Variants in SEPTIN9 observed in about 807,000 individuals in gnomAD.
SEPTIN9 encodes the protein septin 9, also known as septin-9.
SEPTIN9 carries 13 observed loss-of-function variants against 56.6 expected under a neutral mutation model. That is an observed-to-expected ratio of 0.23 (90% CI 0.15 to 0.37). SEPTIN9 has a LOEUF of 0.37. Among genes scored for constraint, SEPTIN9 ranks in the 10% least tolerant of loss-of-function variants. The probability of loss-of-function intolerance (pLI) is 1.00; values close to 1 mark genes in which losing one functional copy is unlikely to be tolerated. For missense variants in SEPTIN9, 650 were observed against 823.1 expected (o/e 0.79, Z 2.57); for synonymous variants, 332 against 334.1 (o/e 0.99, Z 0.07).
chr17:77,373,891 C>T lies in SEPTIN9; in HGVS notation c.77-28168C>T, dbSNP rs538717983. 2.4e-5 allele frequency: 7 copies of T among 288,406 alleles called. No individual in the cohort carries two copies. The South Asian group carries it at 3.1e-4, about 13-fold the overall frequency. The allele number at this position is 288,406 out of a possible 1,614,324, so 17.9% of individuals were successfully genotyped here. ...CCTCCTCGAGGGCTCGCGAGGCTGC[C>T]TCGGAACTCTCCAGGACGCACAGTT... On this transcript the variant is annotated intron_variant, in intron 2 of 11. Coordinates refer to ENST00000427177, the MANE Select transcript of SEPTIN9 (RefSeq NM_001113491.2).
chr17:77,490,839 AG>A lies in SEPTIN9; in HGVS notation c.1363del (p.Val455SerfsTer33). The A allele has an allele frequency of 6.3e-7, 1 of 1,586,918 alleles. No homozygotes were observed. Among genetic ancestry groups the A allele is most frequent in the Non-Finnish European group, 8.6e-7 (1 of 1,166,266 alleles). On this transcript the variant is annotated frameshift_variant, in exon 8 of 12. Coordinates refer to ENST00000427177, the MANE Select transcript of SEPTIN9 (RefSeq NM_001113491.2). LOFTEE classifies it high-confidence loss of function. ...AKADTLTLEE[R>X]VHFKQRITAD... ...GGCGGACACACTCACCCTGGAGGAG[AG>A]GGTCCACTTCAAACAGCGGGTAGGG...
chr17:77,486,494 G>GTA (rs2039787079), intron 4 of SEPTIN9, among the ~76,000 whole-genome samples: 1 of 94,810 alleles, frequency 1.1e-5, no homozygotes, highest in Admixed American at 9.2e-5. Flanking sequence ...AGGGGTGTGT[G>GTA]TGTGTGTGTG....
intron 3 of SEPTIN9, chr17:77,454,014 A>G: frequency 4.1e-6 from 4 of 974,430 alleles, no homozygotes; most frequent in Middle Eastern, 5.3e-4. Flanking sequence ...TTTCCCATAC[A>G]CCCCGGATGT....
intron 1 of SEPTIN9, among the ~76,000 whole-genome samples, chr17:77,293,352 A>G (rs2031659176): frequency 6.6e-6 from 1 of 152,006 alleles, no homozygotes; most frequent in Admixed American, 6.6e-5. Context: ...TGTAAAGACA[A>G]GGTCTTACTA....
intron 2 of SEPTIN9, chr17:77,320,439 C>A: frequency 8.9e-7 from 1 of 1,119,876 alleles, no homozygotes; most frequent in Non-Finnish European, 1.4e-6. Context: ...ATGCAAAGGG[C>A]GCTTTTGCTC....
At chr17:77,312,264 C>G (rs1377498514) in intron 2 of SEPTIN9, among the ~76,000 whole-genome samples, 2 of 152,192 alleles carry the variant, frequency 1.3e-5, no homozygotes, top group African/African-American at 4.8e-5. Context: ...ATCCCTCCAC[C>G]CGATCATTTC....
chr17:77,478,769 A>G (rs1414099800), intron 3 of SEPTIN9, among the ~76,000 whole-genome samples: 1 of 148,752 alleles, frequency 6.7e-6, no homozygotes, highest in Non-Finnish European at 1.5e-5. Context: ...GCGCCATTGC[A>G]CTCCAGCCTG....
chr17:77,432,278 G>A (rs528703249), intron 3 of SEPTIN9, among the ~76,000 whole-genome samples: 1 of 152,340 alleles, frequency 6.6e-6, no homozygotes, highest in African/African-American at 2.4e-5. Flanking sequence ...AGAGCAAAGT[G>A]CTTAGAACGG....
rs1176236140 is a variant in SEPTIN9, at chr17:77,302,342, A to G, written c.20-4799A>G. ...GACCTTCATGCTCTATGTCTTTCTT[A>G]TATCTAGGTTCCCCAAATTATATGC... On this transcript the variant is annotated intron_variant, in intron 1 of 11. Coordinates refer to ENST00000427177, the MANE Select transcript of SEPTIN9 (RefSeq NM_001113491.2). 3.3e-5 allele frequency among the ~76,000 whole-genome samples: 5 copies of G among 152,048 alleles called. No homozygotes were observed. The East Asian group carries it at 7.7e-4, about 24-fold the overall frequency.
intron 2 of SEPTIN9, among the ~76,000 whole-genome samples, chr17:77,385,739 G>C (rs1287218928): frequency 6.6e-6 from 1 of 152,164 alleles, no homozygotes; most frequent in African/African-American, 2.4e-5. Flanking sequence ...TGGAGCCCCT[G>C]CTTTGCCCAA....
At position 77,499,244 on chromosome 17, in the gene SEPTIN9, A is replaced by T; in HGVS notation, c.*586A>T. The T allele has an allele frequency of 1.7e-6, 1 of 593,874 alleles. No individual in the cohort carries two copies. Among genetic ancestry groups the T allele is most frequent in the Non-Finnish European group, 3.3e-6 (1 of 307,338 alleles). The allele number at this position is 593,874 out of a possible 1,614,324, so 36.8% of individuals were successfully genotyped here. On this transcript the variant is annotated 3_prime_UTR_variant, in exon 12 of 12. Transcript: ENST00000427177. Reference sequence around the variant, plus strand: ...GTCCCCTGCCACCGACTGCCCAGCCACTCCAAGCCCCCTGGCAGCTGCCCC... The same window carrying T: ...GTCCCCTGCCACCGACTGCCCAGCCTCTCCAAGCCCCCTGGCAGCTGCCCC...
intron 3 of SEPTIN9, among the ~76,000 whole-genome samples, chr17:77,467,919 G>A (rs1339378456): frequency 6.6e-6 from 1 of 152,172 alleles, no homozygotes; most frequent in Non-Finnish European, 1.5e-5. Context: ...GGTTTTGTGG[G>A]TAGTGAATGC....
At chr17:77,395,056 G>A (rs1198951168) in intron 2 of SEPTIN9, among the ~76,000 whole-genome samples, 1 of 151,762 alleles carries the variant, frequency 6.6e-6, no homozygotes, top group African/African-American at 2.4e-5. Flanking sequence ...TGGCATCAAG[G>A]TCTGTGTATG....
At chr17:77,373,725 C>T (rs969360242) in intron 2 of SEPTIN9, 2 of 1,285,804 alleles carry the variant, frequency 1.6e-6, no homozygotes, top group Non-Finnish European at 2.0e-6. Context: ...GGCCCCGTGC[C>T]CGCGCCGCCT....
intron 2 of SEPTIN9, chr17:77,374,284 G>A (rs1056414500): frequency 1.3e-5 from 2 of 152,476 alleles, no homozygotes; most frequent in Non-Finnish European, 2.9e-5. Context: ...CTGTCTTCGG[G>A]GTTTACAAAG....
intron 3 of SEPTIN9, among the ~76,000 whole-genome samples, chr17:77,420,323 C>T (rs2036654018): frequency 6.6e-6 from 1 of 152,222 alleles, no homozygotes; most frequent in South Asian, 2.1e-4. Context: ...GGAAGTTTGC[C>T]TCCTCGGAAC....
In SEPTIN9 at chr17:77,499,292, A is replaced by T. The variant is rs771828774; in HGVS notation, c.*634A>T. On this transcript the variant is annotated 3_prime_UTR_variant, in exon 12 of 12. Coordinates refer to ENST00000427177, the MANE Select transcript of SEPTIN9 (RefSeq NM_001113491.2). The stretch of plus-strand genomic sequence containing the variant: ...CCCTCCTGGAGCAGAAAGTGCCTTT[A>T]TCTCAGCCATCCGCAGACTGCTTGG... 9.7e-5 allele frequency: 58 copies of T among 597,584 alleles called. No homozygotes were observed. The highest frequency in any genetic ancestry group is 1.7e-4 in the Non-Finnish European group (54 of 308,896). 37.0% of individuals were successfully genotyped at this position (597,584 alleles called of 1,614,324 possible).
At chr17:77,344,060 A>G (rs570174226) in intron 2 of SEPTIN9, among the ~76,000 whole-genome samples, 3 of 152,360 alleles carry the variant, frequency 2.0e-5, no homozygotes, top group Admixed American at 1.3e-4. Context: ...TTGTGCATCA[A>G]GGAATACTAC....
intron 3 of SEPTIN9, among the ~76,000 whole-genome samples, chr17:77,418,882 C>T (rs1285876032): frequency 2.6e-5 from 4 of 152,148 alleles, no homozygotes; most frequent in Admixed American, 1.3e-4. Context: ...AGCTGAGGCC[C>T]CTGGAAGCCA....
Sources: allele counts gnomAD v4.1 joint callset (sites outside exome capture counted in the v4.1 genomes callset), GRCh38; gene constraint gnomAD v4.1.1; transcripts MANE v1.5; gene names NCBI Gene and HGNC (gene_info 2026-07-23, HGNC 2026-07-21).